Variants in PLXNA2 observed in about 807,000 individuals in gnomAD.
PLXNA2 encodes the protein plexin A2.
Under a neutral mutation model 193.5 loss-of-function variants are expected in PLXNA2, and 91 were observed. The observed-to-expected ratio is 0.47, with a 90% CI of 0.40 to 0.56. PLXNA2 has a LOEUF of 0.56. Ranked by LOEUF, PLXNA2 falls within the 20% of genes least tolerant of loss-of-function variation. PLXNA2 has a pLI of 0.00. For missense variants in PLXNA2, 1,995 were observed against 2,503.2 expected (o/e 0.80, Z 4.33); for synonymous variants, 997 against 1,027.3 (o/e 0.97, Z 0.56).
intron 26 of PLXNA2, 51 bp from the exon 27 acceptor site, chr1:208,034,643 G>A: frequency 8.4e-7 from 1 of 1,184,752 alleles, no homozygotes; most frequent in Non-Finnish European, 1.3e-6. Flanking sequence ...AGGTGTCTTG[G>A]GAAGTTGGAT....
At chr1:208,090,684 A>G (rs1418968820) in intron 9 of PLXNA2, among the ~76,000 whole-genome samples, 1 of 152,142 alleles carries the variant, frequency 6.6e-6, no homozygotes, top group East Asian at 1.9e-4. Flanking sequence ...GGGTAGCCTC[A>G]GGAGAAAGTG....
intron 3 of PLXNA2, among the ~76,000 whole-genome samples, chr1:208,190,068 C>G (rs1670128815): frequency 6.6e-6 from 1 of 152,144 alleles, no homozygotes; most frequent in Non-Finnish European, 1.5e-5. Context: ...TGAAGGCAAA[C>G]TGGGGCCTCA....
rs527290178 is a variant in PLXNA2, at chr1:208,038,396, C to T, written c.4739G>A (p.Arg1580Gln). Residue 1580 changes from arginine (R) to glutamine (Q), a missense_variant, in exon 26 of 32, where the codon CGG (arginine) becomes CAG (glutamine). This residue lies in a region of PLXNA2 where 1,291 missense variants were observed against 1,673.6 expected (regional missense o/e 0.77). Transcript: ENST00000367033. This position sits in a 1 kb window ranked among gnomAD's most constrained non-coding sequence, Gnocchi z 4.1. ...ITTKIEGDWK[R>Q]LNTLMHYQVS... ...CTGATAATGCATCAGTGTGTTGAGC[C>T]GCTTCCAGTCACCCTCAATCTTGGT... 1.1e-5 allele frequency: 17 copies of T among 1,613,686 alleles called. No homozygotes were observed. Among genetic ancestry groups the T allele is most frequent in the South Asian group, 4.4e-5 (4 of 91,056 alleles).
intron 3 of PLXNA2, among the ~76,000 whole-genome samples, chr1:208,201,973 A>ATTTTT (rs59313982): frequency 1.7e-4 from 22 of 132,620 alleles, no homozygotes; most frequent in Non-Finnish European, 2.6e-4. Context: ...CAGGGCAAGA[A>ATTTTT]TTTTTTTTTT....
chr1:208,214,675 C>A lies in PLXNA2; in HGVS notation c.1188+2060G>T, dbSNP rs149213623. 1.2e-3 allele frequency among the ~76,000 whole-genome samples: 186 copies of A among 152,264 alleles called. 1 individual carries two copies. The highest frequency in any genetic ancestry group is 4.2e-3 in the African/African-American group (174 of 41,548). On this transcript the variant is annotated intron_variant, in intron 2 of 31. Coordinates refer to ENST00000367033, the MANE Select transcript of PLXNA2 (RefSeq NM_025179.4). Reference sequence around the variant, plus strand: ...AGCCCTCAGCACTGTGTACAAGAAACCTACTTTTGCACTTCTCACACTCCC... The same window carrying A: ...AGCCCTCAGCACTGTGTACAAGAAAACTACTTTTGCACTTCTCACACTCCC...
intron 6 of PLXNA2, 22 bp from the exon 7 acceptor site, chr1:208,096,905 G>C: frequency 6.2e-7 from 1 of 1,604,834 alleles, no homozygotes; most frequent in Non-Finnish European, 8.5e-7. Context: ...GCAAAGAGAT[G>C]ATGCCAAAGA....
rs78204105 is a variant in PLXNA2 at position 208,224,014 on chromosome 1, G to A, written c.-80-6012C>T. 3.9e-5 allele frequency among the ~76,000 whole-genome samples: 6 copies of A among 152,262 alleles called. No homozygotes were observed. In the South Asian group the frequency reaches 8.3e-4, roughly 21 times the overall value. ...GAGGCCCCATCTTTTCCCCGTGGGT[G>A]GAATGCTACTGAAGGACCTGTCTTC... On this transcript the variant is annotated intron_variant, in intron 1 of 31. Transcript: ENST00000367033.
intron 12 of PLXNA2, among the ~76,000 whole-genome samples, chr1:208,064,063 C>G (rs923644724): frequency 6.6e-6 from 1 of 152,190 alleles, no homozygotes; most frequent in African/African-American, 2.4e-5. Flanking sequence ...TTAATGGACT[C>G]ACCATGCACC....
At chr1:208,068,059 C>T (rs185745961) in intron 12 of PLXNA2, among the ~76,000 whole-genome samples, 10 of 152,306 alleles carry the variant, frequency 6.6e-5, no homozygotes, top group Admixed American at 2.0e-4. Context: ...ATGAACACCT[C>T]CAGGACCACA....
intron 3 of PLXNA2, among the ~76,000 whole-genome samples, chr1:208,154,170 C>A (rs1379806996): frequency 6.6e-6 from 1 of 152,182 alleles, no homozygotes; most frequent in South Asian, 2.1e-4. Context: ...TCAATGCCCA[C>A]CCCCTTTTTG....
At chr1:208,212,507 T>G (rs1314480276) in intron 2 of PLXNA2, among the ~76,000 whole-genome samples, 2 of 152,078 alleles carry the variant, frequency 1.3e-5, no homozygotes, top group Non-Finnish European at 2.9e-5. Flanking sequence ...AAGGAATGAG[T>G]TTCTCAGGAA....
intron 4 of PLXNA2, among the ~76,000 whole-genome samples, chr1:208,111,212 G>A (rs1257178655): frequency 6.6e-6 from 1 of 152,046 alleles, no homozygotes; most frequent in African/African-American, 2.4e-5. Context: ...CACCACACCT[G>A]GCTAATTAAT....
intron 3 of PLXNA2, among the ~76,000 whole-genome samples, chr1:208,161,088 C>A (rs1669093287): frequency 1.3e-5 from 2 of 152,182 alleles, no homozygotes; most frequent in African/African-American, 4.8e-5. Flanking sequence ...TGCCTTGGAT[C>A]CTTTGTTAAT....
intron 4 of PLXNA2, among the ~76,000 whole-genome samples, chr1:208,111,063 T>A (rs890860638): frequency 6.6e-6 from 1 of 152,090 alleles, no homozygotes; most frequent in Non-Finnish European, 1.5e-5. Context: ...TAAGGGATTT[T>A]TTTTTAAACG....
intron 3 of PLXNA2, among the ~76,000 whole-genome samples, chr1:208,154,121 C>T (rs677256): frequency 0.32 from 48,233 of 151,844 alleles, 8,120 homozygotes; most frequent in Middle Eastern, 0.39. Flanking sequence ...AGACCCTCCC[C>T]GGTCACCTTG....
At chr1:208,139,864 G>A (rs943484145) in intron 4 of PLXNA2, among the ~76,000 whole-genome samples, 14 of 152,160 alleles carry the variant, frequency 9.2e-5, no homozygotes, top group Non-Finnish European at 1.8e-4. Flanking sequence ...TTTGGACTGA[G>A]CCCCTGGTGA....
intron 12 of PLXNA2, among the ~76,000 whole-genome samples, chr1:208,067,302 C>A (rs1341402442): frequency 6.6e-6 from 1 of 151,006 alleles, no homozygotes; most frequent in African/African-American, 2.4e-5. Flanking sequence ...CGAGATCGCA[C>A]CATTGCACTC....
chr1:208,067,712 G>T (rs1368289137), intron 12 of PLXNA2, among the ~76,000 whole-genome samples: 1 of 152,138 alleles, frequency 6.6e-6, no homozygotes, highest in Non-Finnish European at 1.5e-5. Flanking sequence ...GTGTAGTAGG[G>T]TACACTGTCT....
intron 6 of PLXNA2, among the ~76,000 whole-genome samples, 173 bp downstream of exon 6, chr1:208,098,673 G>A (rs1277170161): frequency 6.6e-6 from 1 of 152,216 alleles, no homozygotes; most frequent in African/African-American, 2.4e-5. Flanking sequence ...ACTGGAGAAT[G>A]ACTATGCCCT....
Sources: allele counts gnomAD v4.1 joint callset (sites outside exome capture counted in the v4.1 genomes callset), GRCh38; gene constraint gnomAD v4.1.1; regional missense constraint gnomAD v4.1.1; non-coding constraint Gnocchi (gnomAD v3.1); transcripts MANE v1.5; gene names NCBI Gene and HGNC (gene_info 2026-07-23, HGNC 2026-07-21).